The following KHDRBS2 variants were observed in gnomAD, a reference collection of about 807,000 sequenced individuals.
The protein encoded by KHDRBS2 is KH domain-containing, RNA-binding, signal transduction-associated protein 2.
In KHDRBS2, 26 loss-of-function variants were observed where a neutral mutation model predicts 44.3. That is an observed-to-expected ratio of 0.59 (90% confidence interval 0.43 to 0.81). The LOEUF (loss-of-function observed/expected upper bound fraction) is 0.81. Ranked by LOEUF, KHDRBS2 falls within the 40% of genes least tolerant of loss-of-function variation. The probability of loss-of-function intolerance (pLI) is 0.00; values close to 1 mark genes in which losing one functional copy is unlikely to be tolerated. For synonymous variants in KHDRBS2, 194 were observed against 151.1 expected (o/e 1.28, Z -2.08); for missense variants, 476 against 433.1 (o/e 1.10, Z -0.88).
chr6:61,670,194 A>C, the KHDRBS2 span, among the ~76,000 whole-genome samples: 2 of 151,392 alleles, frequency 1.3e-5, no homozygotes, highest in Non-Finnish European at 3.0e-5. Flanking sequence ...AAAAACAAAG[A>C]AGCCCTCCAA....
At chr6:61,997,827 C>T (rs1370417187) in intron 3 of KHDRBS2, among the ~76,000 whole-genome samples, 7 of 152,084 alleles carry the variant, frequency 4.6e-5, no homozygotes, top group Non-Finnish European at 7.4e-5. Flanking sequence ...TGCCATTCTC[C>T]AAAGATCAAT....
At chr6:62,018,592 G>C (rs1426901961) in intron 3 of KHDRBS2, among the ~76,000 whole-genome samples, 1 of 152,018 alleles carries the variant, frequency 6.6e-6, no homozygotes, top group Non-Finnish European at 1.5e-5. Context: ...TGATCCGCGC[G>C]CCTTGGCCTC....
intron 6 of KHDRBS2, among the ~76,000 whole-genome samples, chr6:61,863,178 C>T (rs543998743): frequency 6.6e-6 from 1 of 151,132 alleles, no homozygotes; most frequent in South Asian, 2.1e-4. Flanking sequence ...TCTCTCTTTT[C>T]TTCTTTATTA....
chr6:62,162,492 G>T (rs1817855125), intron 2 of KHDRBS2, among the ~76,000 whole-genome samples: 1 of 152,026 alleles, frequency 6.6e-6, no homozygotes, highest in Non-Finnish European at 1.5e-5. Flanking sequence ...CTTCTCTCTT[G>T]CTGCTTTCAA....
At chr6:61,741,389 C>T (rs1776114213) in intron 6 of KHDRBS2, among the ~76,000 whole-genome samples, 1 of 151,912 alleles carries the variant, frequency 6.6e-6, no homozygotes, top group South Asian at 2.1e-4. Flanking sequence ...AGTTTAGAAA[C>T]ATCTCACCAC....
chr6:61,938,792 G>C (rs1484366030), intron 4 of KHDRBS2, among the ~76,000 whole-genome samples: 1 of 152,252 alleles, frequency 6.6e-6, no homozygotes, highest in Non-Finnish European at 1.5e-5. Flanking sequence ...GAAATAGTAA[G>C]AGGGGATTCT....
chr6:61,743,323 G>T (rs1426879620), intron 6 of KHDRBS2, among the ~76,000 whole-genome samples: 1 of 151,952 alleles, frequency 6.6e-6, no homozygotes, highest in Non-Finnish European at 1.5e-5. Flanking sequence ...AACAGATTAG[G>T]AAAATGAGAA....
chr6:61,559,252 T>G, the KHDRBS2 span, among the ~76,000 whole-genome samples: 1 of 152,140 alleles, frequency 6.6e-6, no homozygotes, highest in Non-Finnish European at 1.5e-5. Flanking sequence ...CTTTCTGGGT[T>G]TCCATGTCAT....
intron 3 of KHDRBS2, among the ~76,000 whole-genome samples, chr6:62,046,488 A>G (rs1787721842): frequency 6.6e-6 from 1 of 151,952 alleles, no homozygotes; most frequent in Non-Finnish European, 1.5e-5. Flanking sequence ...GGAGATGATG[A>G]CAAGCTGAAA....
At chr6:62,123,142 T>G (rs1413221228) in intron 2 of KHDRBS2, among the ~76,000 whole-genome samples, 1 of 152,122 alleles carries the variant, frequency 6.6e-6, no homozygotes, top group Non-Finnish European at 1.5e-5. Flanking sequence ...AGTGAGAACA[T>G]GCGGTGTTTG....
rs1333448134 is a variant in KHDRBS2, at chr6:61,921,187, T to TG, written c.484-19817dup. ...ATTGCATGGTAATATCCTTGGGCAA[T>TG]GAGCCATACAAGTCAAAGATACAGG... is the stretch of plus-strand genomic sequence containing the variant. On this transcript the variant is annotated intron_variant, in intron 4 of 8. Transcript: ENST00000281156. Among the ~76,000 whole-genome samples the TG allele has an allele frequency of 3.3e-5, 5 of 152,156 alleles. No individual in the cohort carries two copies. In the South Asian group the frequency reaches 1.0e-3, roughly 32 times the overall value.
intron 6 of KHDRBS2, among the ~76,000 whole-genome samples, chr6:61,751,715 G>T (rs1582604139): frequency 1.3e-5 from 2 of 152,198 alleles, no homozygotes; most frequent in East Asian, 3.8e-4. Context: ...AAAGAAGCTA[G>T]AGAAAGTATT....
intron 6 of KHDRBS2, among the ~76,000 whole-genome samples, chr6:61,802,081 G>A (rs568302417): frequency 3.3e-5 from 5 of 152,214 alleles, no homozygotes; most frequent in South Asian, 2.1e-4. Flanking sequence ...ATTTGAGAGC[G>A]ACCCCTGGCT....
chr6:62,256,633 C>A lies in KHDRBS2; in HGVS notation c.91+29225G>T, dbSNP rs553051069. Among the ~76,000 whole-genome samples, 2 of 152,148 alleles carry A rather than the reference C, an allele frequency of 1.3e-5. 1 individual carries two copies. The highest frequency in any genetic ancestry group is 4.2e-4 in the South Asian group (2 of 4,816). On this transcript the variant is annotated intron_variant, in intron 1 of 8. Coordinates refer to ENST00000281156, the MANE Select transcript of KHDRBS2 (RefSeq NM_152688.4). ...TGCCCAGTCTTGGGTATGCCTTTAT[C>A]AGCAACATGAAAACGGACTAATACA...
rs558193397 is a variant in KHDRBS2, at chr6:61,757,929, G to T, written c.811-25165C>A. On this transcript the variant is annotated intron_variant, in intron 6 of 8. Coordinates refer to ENST00000281156, the MANE Select transcript of KHDRBS2 (RefSeq NM_152688.4). ...GCGAATGCTGGACACAATTACCTCT[G>T]ATATTTTAGGCAGTCATTTTCCCCC... 3.3e-5 allele frequency among the ~76,000 whole-genome samples: 5 copies of T among 152,184 alleles called. No homozygotes were observed. In the South Asian group the frequency reaches 1.0e-3, roughly 32 times the overall value.
chr6:61,925,502 G>A (rs1241287744), intron 4 of KHDRBS2, among the ~76,000 whole-genome samples: 1 of 152,046 alleles, frequency 6.6e-6, no homozygotes, highest in African/African-American at 2.4e-5. Flanking sequence ...AATTGCTTGA[G>A]CCCAGGAGTT....
At chr6:62,032,240 T>C (rs1448804121) in intron 3 of KHDRBS2, among the ~76,000 whole-genome samples, 2 of 151,892 alleles carry the variant, frequency 1.3e-5, no homozygotes, top group Non-Finnish European at 2.9e-5. Flanking sequence ...AACATTTGAG[T>C]CAGTGGGGGG....
the KHDRBS2 span, among the ~76,000 whole-genome samples, chr6:61,549,074 C>T: frequency 1.1e-4 from 16 of 151,978 alleles, no homozygotes; most frequent in Admixed American, 4.6e-4. Context: ...GTAAACATAA[C>T]GTGAAATACG....
At chr6:61,816,712 G>C in intron 6 of KHDRBS2, 1 of 399,972 alleles carries the variant, frequency 2.5e-6, no homozygotes. Context: ...TATTCTTAAA[G>C]AATAAATCTA....
Sources: gnomAD v4.1 joint callset for allele counts (sites outside exome capture counted in the v4.1 genomes callset) on GRCh38, gnomAD v4.1.1 for gene constraint, MANE v1.5 for transcripts, NCBI Gene and HGNC (gene_info 2026-07-23, HGNC 2026-07-21) for gene names.